ATP2C1: variants seen among roughly 807,000 people sequenced by gnomAD.
ATP2C1 encodes the protein ATPase secretory pathway Ca2+ transporting 1, also known as calcium-transporting ATPase type 2C member 1.
ATP2C1 carries 31 observed loss-of-function variants against 120.5 expected under a neutral mutation model. The observed-to-expected ratio is 0.26, with a 90% CI of 0.19 to 0.35. ATP2C1 has a LOEUF of 0.35. ATP2C1 is among the 10% of genes least tolerant of loss of function. The probability of loss-of-function intolerance (pLI) is 1.00; values close to 1 mark genes in which losing one functional copy is unlikely to be tolerated. For synonymous variants in ATP2C1, 351 were observed against 358.7 expected, an observed-to-expected ratio of 0.98 and a Z score of 0.24; for missense variants, 731 against 1,107.5, an observed-to-expected ratio of 0.66 and a Z score of 4.83.
intron 26 of ATP2C1, among the ~76,000 whole-genome samples, chr3:131,012,415 G>T (rs2063358335): frequency 6.6e-6 from 1 of 151,738 alleles, no homozygotes; most frequent in Admixed American, 6.6e-5. Flanking sequence ...CCTCCATGAT[G>T]CCCGGCTAAT....
At chr3:130,900,996 G>A (rs1274928426) in intron 2 of ATP2C1, among the ~76,000 whole-genome samples, 1 of 152,122 alleles carries the variant, frequency 6.6e-6, no homozygotes, top group Admixed American at 6.6e-5. Flanking sequence ...ATCATCAGGG[G>A]TGGAAATATT....
At chr3:130,904,993 C>T (rs1439372115) in intron 2 of ATP2C1, among the ~76,000 whole-genome samples, 2 of 152,030 alleles carry the variant, frequency 1.3e-5, no homozygotes, top group Non-Finnish European at 1.5e-5. Flanking sequence ...GTCTTTTCTA[C>T]AATACCCTCT....
chr3:130,859,583 T>C (rs1201437369), intron 1 of ATP2C1, among the ~76,000 whole-genome samples: 1 of 152,226 alleles, frequency 6.6e-6, no homozygotes, highest in Non-Finnish European at 1.5e-5. Context: ...CTTCAGATTT[T>C]CTTCAATGCA....
intron 4 of ATP2C1, among the ~76,000 whole-genome samples, chr3:130,933,110 A>G (rs1317345464): frequency 6.6e-6 from 1 of 152,234 alleles, no homozygotes; most frequent in Non-Finnish European, 1.5e-5. Flanking sequence ...ATCCCTAGGC[A>G]GTATGATTTA....
At chr3:130,880,294 A>T (rs1424215942) in intron 1 of ATP2C1, among the ~76,000 whole-genome samples, 1 of 152,118 alleles carries the variant, frequency 6.6e-6, no homozygotes, top group Non-Finnish European at 1.5e-5. Context: ...TTGCATTCAG[A>T]TGTTTGAATT....
At chr3:130,977,190 C>T (rs1391423792) in intron 18 of ATP2C1, among the ~76,000 whole-genome samples, 5 of 152,188 alleles carry the variant, frequency 3.3e-5, no homozygotes, top group African/African-American at 1.2e-4. Context: ...GCAGTGGCAG[C>T]TCCACTGAGA....
chr3:130,989,247 C>CA (rs71133625), intron 20 of ATP2C1, among the ~76,000 whole-genome samples: 98,384 of 121,788 alleles, frequency 0.81, 40,200 homozygotes, highest in Middle Eastern at 0.92. Flanking sequence ...AAATCCATCT[C>CA]AAAAAAAAAA....
At chr3:130,992,909 T>C (rs2062421373) in intron 20 of ATP2C1, 42 bp from the exon 21 acceptor site, 1 of 1,509,078 alleles carries the variant, frequency 6.6e-7, no homozygotes, top group Non-Finnish European at 9.2e-7. Context: ...TCTGTAGAAA[T>C]CTTAATATTG....
intron 2 of ATP2C1, among the ~76,000 whole-genome samples, chr3:130,899,090 A>G (rs181612422): frequency 4.9e-4 from 75 of 152,290 alleles, no homozygotes; most frequent in African/African-American, 1.5e-3. Flanking sequence ...GGTTAATGCC[A>G]TCATTTCATG....
chr3:130,866,325 C>G (rs1162180368), intron 1 of ATP2C1, among the ~76,000 whole-genome samples: 1 of 152,156 alleles, frequency 6.6e-6, no homozygotes, highest in East Asian at 1.9e-4. Context: ...GTGTAATATA[C>G]TTGAAATTTT....
chr3:131,007,782 A>G (rs376468770), downstream of ATP2C1, among the ~76,000 whole-genome samples: 3 of 152,190 alleles, frequency 2.0e-5, no homozygotes, highest in African/African-American at 4.8e-5. Context: ...TGCCTGGACC[A>G]TTGCTCTTAT....
chr3:130,998,515 A>T lies in ATP2C1; in HGVS notation c.2487+126A>T, dbSNP rs2062735722. 4 of 733,224 alleles carry T rather than the reference A, an allele frequency of 5.5e-6. No individual in the cohort carries two copies. The Admixed American group carries it at 8.0e-5, about 15-fold the overall frequency. 45.4% of individuals were successfully genotyped at this position (733,224 alleles called of 1,614,324 possible). On this transcript the variant is annotated intron_variant, in intron 26 of 27. Transcript: ENST00000510168. ...TTTTGTAGCCACAGATTGCAGCCCC[A>T]GACACAGCCTTCTTATAAACATGTG...
At chr3:130,996,188 A>G (rs905664485) in intron 23 of ATP2C1, 77 bp downstream of exon 23, 2 of 1,049,742 alleles carry the variant, frequency 1.9e-6, no homozygotes, top group East Asian at 2.4e-5. Flanking sequence ...CAGAATGCCT[A>G]GAAACTTCTC....
chr3:130,965,071 AC>A (rs1559983675), intron 14 of ATP2C1, 26 bp downstream of exon 14: 2 of 1,516,856 alleles, frequency 1.3e-6, no homozygotes, highest in African/African-American at 1.4e-5. Flanking sequence ...TTAAAAACAA[AC>A]AAAAACAGTA....
At chr3:131,004,639 A>G (rs1238092601), downstream of ATP2C1, among the ~76,000 whole-genome samples, 1 of 152,246 alleles carries the variant, frequency 6.6e-6, no homozygotes, top group Non-Finnish European at 1.5e-5. Context: ...TGAAGTAGAG[A>G]AATAACTTCA....
At chr3:131,009,729 A>G (rs148433353) in intron 26 of ATP2C1, among the ~76,000 whole-genome samples, 19 of 152,310 alleles carry the variant, frequency 1.2e-4, no homozygotes, top group Non-Finnish European at 2.2e-4. Context: ...ATGGCTCAGA[A>G]AGCTGTTGCT....
In ATP2C1 at chr3:131,002,662, T is replaced by G. The variant is rs2062947161; in HGVS notation, c.*1312T>G. On this transcript the variant is annotated 3_prime_UTR_variant, in exon 28 of 28. Transcript: ENST00000510168. The stretch of plus-strand genomic sequence containing the variant: ...TGTTGAGTATATAAACAAAAATTGG[T>G]CCCAATTCTAACAGGTTTAATCCTT... 1 of 985,274 alleles carries G rather than the reference T, an allele frequency of 1.0e-6. No homozygotes were observed. Among genetic ancestry groups the G allele is most frequent in the Non-Finnish European group, 1.2e-6 (1 of 829,900 alleles). 61.0% of individuals were successfully genotyped at this position (985,274 alleles called of 1,614,324 possible). A position where few individuals can be genotyped will look rare whatever the true frequency, so the allele number is the denominator to read the frequency against.
chr3:130,867,569 G>A (rs2068227662), intron 1 of ATP2C1, among the ~76,000 whole-genome samples: 2 of 149,596 alleles, frequency 1.3e-5, no homozygotes, highest in African/African-American at 2.5e-5. Flanking sequence ...CGGGATTGCA[G>A]ACGGAGTCTC....
intron 2 of ATP2C1, among the ~76,000 whole-genome samples, chr3:130,908,887 A>C (rs554036487): frequency 6.6e-6 from 1 of 152,260 alleles, no homozygotes; most frequent in African/African-American, 2.4e-5. Flanking sequence ...CAAATATTTA[A>C]TAGTATTTGG....
Sources: allele counts gnomAD v4.1 joint callset (sites outside exome capture counted in the v4.1 genomes callset), GRCh38; gene constraint gnomAD v4.1.1; transcripts MANE v1.5; gene names NCBI Gene and HGNC (gene_info 2026-07-23, HGNC 2026-07-21).